Variants in CRYBG3 observed in about 807,000 individuals in gnomAD.
CRYBG3 encodes crystallin beta-gamma domain containing 3.
A neutral mutation model predicts 244.2 loss-of-function variants in CRYBG3; 127 were observed. The observed-to-expected ratio is 0.52, with a 90% CI of 0.45 to 0.60. The LOEUF is 0.60. Ranked by LOEUF, CRYBG3 falls within the 20% of genes least tolerant of loss-of-function variation. The pLI, the probability that CRYBG3 is intolerant of heterozygous loss-of-function variation, is 0.00. For synonymous variants in CRYBG3, 1,132 were observed against 1,195.8 expected (o/e 0.95, Z 1.10); for missense variants, 3,325 against 3,442.5 (o/e 0.97, Z 0.85).
chr3:97,907,723 G>A (rs1233404292), intron 15 of CRYBG3, among the ~76,000 whole-genome samples: 4 of 151,880 alleles, frequency 2.6e-5, no homozygotes, highest in Non-Finnish European at 5.9e-5. Flanking sequence ...ATTTTTTGAA[G>A]GGTGTTTTGT....
intron 2 of CRYBG3, among the ~76,000 whole-genome samples, chr3:97,844,795 C>CT (rs2038875352): frequency 6.6e-6 from 1 of 152,128 alleles, no homozygotes; most frequent in African/African-American, 2.4e-5. Context: ...TCTATGCTAA[C>CT]AATCTTTTCC....
chr3:97,901,293 ATTG>A (rs946574943), intron 15 of CRYBG3, among the ~76,000 whole-genome samples: 5 of 152,186 alleles, frequency 3.3e-5, no homozygotes, highest in African/African-American at 1.2e-4. Flanking sequence ...ATTCAGAAAA[ATTG>A]TTGTCAAAAA....
chr3:97,890,025 A>T (rs1222820909), intron 10 of CRYBG3, among the ~76,000 whole-genome samples: 1 of 152,204 alleles, frequency 6.6e-6, no homozygotes, highest in African/African-American at 2.4e-5. Flanking sequence ...AGAGGCAGGT[A>T]TGGAAGCAGG....
At chr3:97,846,072 A>G (rs751904405) in intron 2 of CRYBG3, among the ~76,000 whole-genome samples, 14 of 152,146 alleles carry the variant, frequency 9.2e-5, no homozygotes, top group Non-Finnish European at 1.6e-4. Context: ...AATGAAAGCT[A>G]TTCCATGAAA....
chr3:97,871,427 G>C (rs1350099276), intron 3 of CRYBG3, among the ~76,000 whole-genome samples: 3 of 152,158 alleles, frequency 2.0e-5, no homozygotes, highest in Admixed American at 6.5e-5. Flanking sequence ...AGGTCATTAT[G>C]ATGCTTTAAT....
intron 1 of CRYBG3, chr3:97,840,730 CA>C (rs1291401687): frequency 6.6e-6 from 1 of 152,042 alleles, no homozygotes; most frequent in Non-Finnish European, 1.5e-5. Context: ...AGAATTTCAG[CA>C]ATCTTGAAGC....
chr3:97,865,351 G>A (rs1420816876), intron 3 of CRYBG3, among the ~76,000 whole-genome samples: 1 of 152,064 alleles, frequency 6.6e-6, no homozygotes, highest in South Asian at 2.1e-4. Context: ...TTTATTATTT[G>A]AAGAAGCCAT....
intron 15 of CRYBG3, among the ~76,000 whole-genome samples, chr3:97,907,722 A>G (rs916444130): frequency 2.6e-5 from 4 of 151,848 alleles, no homozygotes; most frequent in African/African-American, 9.7e-5. Flanking sequence ...AATTTTTTGA[A>G]GGGTGTTTTG....
At position 97,874,720 on chromosome 3, in the gene CRYBG3, G is replaced by T. The variant is rs148902182; in HGVS notation, c.3526G>T (p.Ala1176Ser). 4 of 1,535,792 alleles carry T rather than the reference G, an allele frequency of 2.6e-6. No homozygotes were observed. The South Asian group carries it at 4.8e-5, about 18-fold the overall frequency. The change falls in exon 4 of 22, where the codon GCT becomes TCT. Residue 1176 changes from alanine (A) to serine (S), a missense_variant. By Grantham distance (99) the Ala-to-Ser change is moderately conservative. Transcript: ENST00000389622. ...SSGQQCSEAS[A>S]EHIEARRRAH... is the part of the protein sequence containing the mutation. Reference sequence around the variant, plus strand: ...AGGCCAACAGTGTTCTGAAGCCTCTGCTGAGCACATAGAAGCCAGGAGAAG... The same window carrying T: ...AGGCCAACAGTGTTCTGAAGCCTCTTCTGAGCACATAGAAGCCAGGAGAAG...
Position 97,881,437 on chromosome 3 carries a change from C to T in CRYBG3, c.7152+218C>T, listed in dbSNP as rs538333307. ...GTAGTTTATAAAATGTTACATGGGC[C>T]GGGCGTGGTGGCTCATGCCTGTAAT... On this transcript the variant is annotated intron_variant, in intron 7 of 21. Coordinates refer to ENST00000389622, the MANE Select transcript of CRYBG3 (RefSeq NM_153605.4). 1.1e-4 allele frequency among the ~76,000 whole-genome samples: 17 copies of T among 152,130 alleles called. 1 individual carries two copies. The highest frequency in any genetic ancestry group is 4.2e-4 in the South Asian group (2 of 4,818).
chr3:97,858,532 T>C (rs1248930478), intron 2 of CRYBG3, among the ~76,000 whole-genome samples: 1 of 152,102 alleles, frequency 6.6e-6, no homozygotes, highest in Admixed American at 6.6e-5. Flanking sequence ...CTTTTTATTT[T>C]CTGATTGGAT....
Position 97,880,015 on chromosome 3 carries a change from T to C in CRYBG3, c.6919T>C (p.Tyr2307His), listed in dbSNP as rs370564776. Reference sequence around the variant, plus strand: ...TATCTATGATCTCCATGAAAGTACATATAAACAAGAAGTCTACTGTAATAT... The same window carrying C: ...TATCTATGATCTCCATGAAAGTACACATAAACAAGAAGTCTACTGTAATAT... Reference protein sequence around the residue: ...MVIYDLHESTYKQEVYCNIPD... With the variant: ...MVIYDLHESTHKQEVYCNIPD... Residue 2307 changes from tyrosine (Y) to histidine (H), a missense_variant, in exon 6 of 22, where the codon TAT becomes CAT. Tyr to His is a moderately conservative substitution (Grantham distance 83, BLOSUM62 2). Around this residue, in one of 4 missense-constraint regions of CRYBG3, gnomAD observed 714 missense variants for 803.6 expected, o/e 0.89. Coordinates refer to ENST00000389622, the MANE Select transcript of CRYBG3 (RefSeq NM_153605.4). 2.5e-6 allele frequency: 4 copies of C among 1,588,944 alleles called. No individual in the cohort carries two copies. The highest frequency in any genetic ancestry group is 2.7e-5 in the African/African-American group (2 of 74,350).
chr3:97,833,713 T>G (rs370289139), intron 1 of CRYBG3, among the ~76,000 whole-genome samples: 1 of 152,040 alleles, frequency 6.6e-6, no homozygotes, highest in Non-Finnish European at 1.5e-5. Context: ...AACTTCAAAG[T>G]ATAATAATAA....
At chr3:97,870,385 A>G (rs907519234) in intron 3 of CRYBG3, among the ~76,000 whole-genome samples, 2 of 152,166 alleles carry the variant, frequency 1.3e-5, no homozygotes, top group African/African-American at 4.8e-5. Flanking sequence ...ATATGTGAGA[A>G]CATGTAGTAT....
In CRYBG3 at chr3:97,877,645, G is replaced by A. The variant is rs143958468; in HGVS notation, c.6451G>A (p.Glu2151Lys). The change falls in exon 4 of 22, where the codon GAG becomes AAG. Residue 2151 changes from glutamate (E) to lysine (K), a missense_variant. Glu to Lys is a moderately conservative substitution (Grantham distance 56). Around this residue, in one of 4 missense-constraint regions of CRYBG3, gnomAD observed 450 missense variants for 424.1 expected, o/e 1.06. Coordinates refer to ENST00000389622, the MANE Select transcript of CRYBG3 (RefSeq NM_153605.4). ...DDREAADEEE[E>K]EEEAAVLHKG... ...CAGAGAGGCAGCTGATGAGGAAGAA[G>A]AGGAGGAGGAGGCAGCAGTATTGCA... 3.3e-5 allele frequency: 54 copies of A among 1,614,112 alleles called. No individual in the cohort carries two copies. The African/African-American group carries it at 6.4e-4, about 19-fold the overall frequency.
At chr3:97,924,148 A>G in intron 17 of CRYBG3, 1 of 312,124 alleles carries the variant, frequency 3.2e-6, no homozygotes, top group Non-Finnish European at 6.1e-6. Flanking sequence ...ATAGTAATGG[A>G]ATTTGGAAGA....
At chr3:97,838,840 C>CT (rs917835197) in intron 1 of CRYBG3, among the ~76,000 whole-genome samples, 1 of 151,778 alleles carries the variant, frequency 6.6e-6, no homozygotes, top group African/African-American at 2.4e-5. Flanking sequence ...TAAAGTGATC[C>CT]TTTTTTTTCC....
At chr3:97,939,939 G>A (rs141898579) in intron 19 of CRYBG3, among the ~76,000 whole-genome samples, 13 of 152,094 alleles carry the variant, frequency 8.5e-5, no homozygotes, top group South Asian at 2.1e-4. Flanking sequence ...TTAGCTTCAC[G>A]TTGATCTATC....
At chr3:97,871,738 A>T in intron 3 of CRYBG3, 104 bp from the exon 4 acceptor site, 1 of 732,686 alleles carries the variant, frequency 1.4e-6, no homozygotes, top group Non-Finnish European at 2.1e-6. Flanking sequence ...GGTACATATT[A>T]AGGGAAGTGG....
Sources: allele counts gnomAD v4.1 joint callset (sites outside exome capture counted in the v4.1 genomes callset), GRCh38; gene constraint gnomAD v4.1.1; regional missense constraint gnomAD v4.1.1; transcripts MANE v1.5; gene names NCBI Gene and HGNC (gene_info 2026-07-23, HGNC 2026-07-21).